The following MLIP variants were observed in gnomAD, a reference collection of about 807,000 sequenced individuals.
MLIP encodes the protein muscular LMNA interacting protein.
MLIP carries 79 observed loss-of-function variants against 84.8 expected under a neutral mutation model. That is an observed-to-expected ratio of 0.93 (90% CI 0.78 to 1.12). The LOEUF (loss-of-function observed/expected upper bound fraction) is 1.12. Ranked by LOEUF, MLIP falls within the 50% of genes most tolerant of loss-of-function variation. MLIP has a pLI of 0.00. For missense variants in MLIP, 1,257 were observed against 1,160.6 expected, an observed-to-expected ratio of 1.08 and a Z score of -1.21; for synonymous variants, 504 against 463.0, an observed-to-expected ratio of 1.09 and a Z score of -1.14.
At chr6:54,024,323 T>C (rs1273630075) in intron 1 of MLIP, among the ~76,000 whole-genome samples, 2 of 152,272 alleles carry the variant, frequency 1.3e-5, no homozygotes, top group Non-Finnish European at 2.9e-5. Flanking sequence ...AAATTATTTA[T>C]TAATTCATAG....
At chr6:54,130,988 G>C (rs1300861350) in intron 3 of MLIP, among the ~76,000 whole-genome samples, 1 of 152,142 alleles carries the variant, frequency 6.6e-6, no homozygotes, top group Non-Finnish European at 1.5e-5. Flanking sequence ...ATCAGAAAAG[G>C]TAAGCGATTC....
chr6:54,252,059 ATATAT>A (rs1445370832), intron 12 of MLIP, among the ~76,000 whole-genome samples: 4 of 96,922 alleles, frequency 4.1e-5, no homozygotes, highest in South Asian at 3.4e-4. Flanking sequence ...ATATAAATAT[ATATAT>A]TATAACATAT....
intron 8 of MLIP, among the ~76,000 whole-genome samples, chr6:54,162,505 C>T (rs997867709): frequency 1.3e-5 from 2 of 151,710 alleles, no homozygotes; most frequent in Non-Finnish European, 2.9e-5. Flanking sequence ...AATATGAAAC[C>T]GTAGAAGATG....
rs769029125 is a variant in MLIP, at chr6:54,137,162, C to G, written c.1093C>G (p.Pro365Ala). 4.6e-5 allele frequency: 70 copies of G among 1,536,118 alleles called. No individual in the cohort carries two copies. In the African/African-American group the frequency reaches 8.9e-4, roughly 19 times the overall value. Reference sequence around the variant, plus strand: ...GAAGTCGAATTCGGCCTCGTACATACCAGTCCGCATTGTCACGCATTCACT... The same window carrying G: ...GAAGTCGAATTCGGCCTCGTACATAGCAGTCCGCATTGTCACGCATTCACT... ...SLKSNSASYI[P>A]VRIVTHSLSP... The change falls in exon 4 of 14, where the codon CCA (proline) becomes GCA (alanine). Residue 365 changes from proline to alanine, a missense_variant. Transcript: ENST00000502396.
intron 1 of MLIP, among the ~76,000 whole-genome samples, chr6:54,025,991 A>G (rs1180357156): frequency 1.3e-5 from 2 of 152,180 alleles, no homozygotes; most frequent in African/African-American, 4.8e-5. Flanking sequence ...TGTGGAAATA[A>G]TTATTTTCAT....
chr6:54,073,332 C>T (rs916115115), intron 1 of MLIP, among the ~76,000 whole-genome samples: 4 of 152,134 alleles, frequency 2.6e-5, no homozygotes, highest in African/African-American at 2.4e-5. Context: ...AGTATGATAG[C>T]GCTAAGTTTA....
intron 1 of MLIP, among the ~76,000 whole-genome samples, chr6:54,028,605 G>T (rs1027026714): frequency 6.6e-6 from 1 of 152,158 alleles, no homozygotes; most frequent in African/African-American, 2.4e-5. Context: ...CTTGAACTCA[G>T]CTTTCAGTTT....
At chr6:54,252,004 CATA>C (rs1275629496) in intron 12 of MLIP, among the ~76,000 whole-genome samples, 11 of 48,252 alleles carry the variant, frequency 2.3e-4, no homozygotes, top group African/African-American at 1.9e-3. Context: ...TATATTATAA[CATA>C]ATATATAATA....
At chr6:54,238,000 A>C (rs922026180) in intron 12 of MLIP, among the ~76,000 whole-genome samples, 2 of 152,178 alleles carry the variant, frequency 1.3e-5, no homozygotes, top group South Asian at 4.1e-4. Flanking sequence ...AATTGTATCT[A>C]ATCTACTATA....
At chr6:54,196,497 C>T (rs559916196) in intron 10 of MLIP, among the ~76,000 whole-genome samples, 1 of 152,146 alleles carries the variant, frequency 6.6e-6, no homozygotes, top group East Asian at 1.9e-4. Flanking sequence ...CATTCATGTC[C>T]CTGCAAATGA....
At chr6:54,053,449 C>A (rs1451362455) in intron 1 of MLIP, among the ~76,000 whole-genome samples, 1 of 152,068 alleles carries the variant, frequency 6.6e-6, no homozygotes, top group Non-Finnish European at 1.5e-5. Flanking sequence ...TGGGAAAATG[C>A]AATATAAAGT....
At chr6:54,168,052 C>A (rs1775377043) in intron 8 of MLIP, among the ~76,000 whole-genome samples, 1 of 151,850 alleles carries the variant, frequency 6.6e-6, no homozygotes. Context: ...TAACTATTCA[C>A]TTTCTTTTTA....
intron 12 of MLIP, among the ~76,000 whole-genome samples, chr6:54,253,607 T>C (rs995591863): frequency 5.3e-5 from 8 of 152,202 alleles, no homozygotes; most frequent in Non-Finnish European, 8.8e-5. Context: ...ATTTTTTTTC[T>C]AGTTGTTACA....
At chr6:54,217,901 A>T (rs1228570328) in intron 11 of MLIP, 2 of 984,936 alleles carry the variant, frequency 2.0e-6, no homozygotes, top group African/African-American at 3.5e-5. Context: ...TAGAATAGTG[A>T]TCTCTAAAGT....
chr6:54,138,422 C>A, intron 4 of MLIP, 136 bp downstream of exon 4: 1 of 937,216 alleles, frequency 1.1e-6, no homozygotes, highest in Non-Finnish European at 1.5e-6. Flanking sequence ...CAAGACGGTA[C>A]CAGGACTTGG....
At chr6:54,030,514 A>G (rs1399827461) in intron 1 of MLIP, 2 of 152,178 alleles carry the variant, frequency 1.3e-5, no homozygotes, top group Non-Finnish European at 2.9e-5. Context: ...TGTTCAAAAG[A>G]AGAACATAAG....
chr6:54,041,537 A>T (rs1764741599), intron 1 of MLIP, among the ~76,000 whole-genome samples: 1 of 152,060 alleles, frequency 6.6e-6, no homozygotes, highest in South Asian at 2.1e-4. Context: ...TTGTATTTCC[A>T]CTAGCAAAGT....
Position 54,138,905 on chromosome 6 carries a change from A to G in MLIP, c.2217+619A>G, listed in dbSNP as rs572718962. On this transcript the variant is annotated intron_variant, in intron 4 of 13. Transcript: ENST00000502396. ...AAAACAAAACAGTTAAAGTGCCTGC[A>G]TAAGAAGGGGTGGTGATTTTCAGCT... Among the ~76,000 whole-genome samples, 17 of 152,326 alleles carry G rather than the reference A, an allele frequency of 1.1e-4. No homozygotes were observed. The South Asian group carries it at 3.5e-3, about 32-fold the overall frequency.
chr6:54,138,338 CTT>C, intron 4 of MLIP, 52 bp downstream of exon 4: 3 of 1,372,544 alleles, frequency 2.2e-6, no homozygotes, highest in Non-Finnish European at 9.6e-7. Flanking sequence ...AGGGAAGAAT[CTT>C]TTTTTTTTCC....
Sources: allele counts gnomAD v4.1 joint callset (sites outside exome capture counted in the v4.1 genomes callset), GRCh38; gene constraint gnomAD v4.1.1; transcripts MANE v1.5; gene names NCBI Gene and HGNC (gene_info 2026-07-23, HGNC 2026-07-21).